Variants in NUP160 observed in about 807,000 individuals in gnomAD.
NUP160 encodes nuclear pore complex protein Nup160.
NUP160 carries 94 observed loss-of-function variants against 196.9 expected under a neutral mutation model. That is an observed-to-expected ratio of 0.48 (90% CI 0.40 to 0.57). The LOEUF (loss-of-function observed/expected upper bound fraction) is 0.57. Ranked by LOEUF, NUP160 falls within the 20% of genes least tolerant of loss-of-function variation. The pLI is 0.00. For synonymous variants in NUP160, 605 were observed against 619.7 expected (o/e 0.98, Z 0.35); for missense variants, 1,638 against 1,748.3 (o/e 0.94, Z 1.13).
intron 10 of NUP160, among the ~76,000 whole-genome samples, chr11:47,819,037 G>GGCA (rs1200874325): frequency 6.6e-6 from 1 of 152,030 alleles, no homozygotes; most frequent in Admixed American, 6.6e-5. Flanking sequence ...GATTTGGCCG[G>GGCA]GCACGGTGGC....
intron 9 of NUP160, among the ~76,000 whole-genome samples, chr11:47,820,600 T>G (rs1432293187): frequency 1.3e-5 from 2 of 152,062 alleles, no homozygotes; most frequent in Non-Finnish European, 2.9e-5. Context: ...TCGCCTAGGC[T>G]GGAGTGAATG....
intron 29 of NUP160, among the ~76,000 whole-genome samples, chr11:47,789,836 A>G (rs770434795): frequency 1.3e-5 from 2 of 152,084 alleles, no homozygotes; most frequent in Non-Finnish European, 2.9e-5. Context: ...TCTGCATATA[A>G]CATTTCATTA....
chr11:47,840,364 C>A lies in NUP160; in HGVS notation c.525+14G>T, dbSNP rs376667979. 6.2e-7 allele frequency: 1 copy of A among 1,605,382 alleles called. No homozygotes were observed. The highest frequency in any genetic ancestry group is 1.3e-5 in the African/African-American group (1 of 74,848). On this transcript the variant is annotated intron_variant, in intron 3 of 35. Transcript: ENST00000378460. ...AATTTGGGAAATAAAAGATATTGCA[C>A]TTAGCCAACTTACACTCCTATACAT...
At chr11:47,781,997 T>C (rs933172854) in intron 34 of NUP160, among the ~76,000 whole-genome samples, 4 of 151,964 alleles carry the variant, frequency 2.6e-5, no homozygotes, top group South Asian at 2.1e-4. Context: ...AAGAAATGCC[T>C]AGGCCGGGCA....
chr11:47,835,820 A>G lies in NUP160; in HGVS notation c.943-11T>C, dbSNP rs1599345614. On this transcript the variant is annotated splice_polypyrimidine_tract_variant and intron_variant, in intron 6 of 35. Coordinates refer to ENST00000378460, the Ensembl canonical transcript of NUP160. ...TAGGCACATTTGCTCCTGTCCAAGAAAATAGTTAATAGGTGATATTCAAGG... is the reference window on the plus strand; with the variant it reads ...TAGGCACATTTGCTCCTGTCCAAGAGAATAGTTAATAGGTGATATTCAAGG... 1 of 1,563,928 alleles carries G rather than the reference A, an allele frequency of 6.4e-7. No individual in the cohort carries two copies. The highest frequency in any genetic ancestry group is 8.6e-7 in the Non-Finnish European group (1 of 1,156,180).
At chr11:47,848,347 G>A (rs1159636993) in exon 1 of NUP160, 1 of 1,613,186 alleles carries the variant, frequency 6.2e-7, no homozygotes, top group Admixed American at 1.7e-5. Flanking sequence ...ACGCCCAACG[G>A]AACAAAGGCA....
rs1032080702 is a variant in NUP160, at chr11:47,792,624, A to G, written c.3450+162T>C. 1.2e-5 allele frequency: 8 copies of G among 677,904 alleles called. No individual in the cohort carries two copies. The East Asian group carries it at 1.4e-4, about 12-fold the overall frequency. The allele number at this position is 677,904 out of a possible 1,614,324, so 42.0% of individuals were successfully genotyped here. A position where few individuals can be genotyped will look rare whatever the true frequency, so the allele number is the denominator to read the frequency against. ...TTGAAAACTAAAGGGGTAGTAATAT[A>G]CAACAATTGAATTGTAAACATAGAT... On this transcript the variant is annotated intron_variant, in intron 28 of 35. Coordinates refer to ENST00000378460, the Ensembl canonical transcript of NUP160.
At chr11:47,786,608 T>C in intron 31 of NUP160, 54 bp from the exon 32 acceptor site, 1 of 1,066,018 alleles carries the variant, frequency 9.4e-7, no homozygotes, top group South Asian at 1.3e-5. Context: ...CGTACCACTT[T>C]AATTTGATAC....
exon 30 of NUP160, chr11:47,788,515 G>A (rs761955866): frequency 4.3e-6 from 7 of 1,613,080 alleles, no homozygotes; most frequent in Non-Finnish European, 5.9e-6. Context: ...AACTGCAACC[G>A]CTGATGGATC....
At chr11:47,799,594 G>A (rs1272873740) in intron 23 of NUP160, among the ~76,000 whole-genome samples, 1 of 152,076 alleles carries the variant, frequency 6.6e-6, no homozygotes, top group Non-Finnish European at 1.5e-5. Flanking sequence ...TGCCCAGGCT[G>A]GAGTGCAGTG....
intron 2 of NUP160, among the ~76,000 whole-genome samples, chr11:47,847,141 T>A (rs1311839882): frequency 2.0e-5 from 3 of 152,122 alleles, no homozygotes; most frequent in Non-Finnish European, 4.4e-5. Flanking sequence ...GCCACACAGA[T>A]CTTTGGTCAG....
intron 6 of NUP160, 115 bp from the exon 7 acceptor site, chr11:47,835,924 TA>T: frequency 1.2e-6 from 1 of 838,664 alleles, no homozygotes; most frequent in South Asian, 2.4e-5. Context: ...GTTTATCTGC[TA>T]AAAGACCTTA....
At chr11:47,821,328 G>A (rs1248725310) in intron 9 of NUP160, 1 of 149,334 alleles carries the variant, frequency 6.7e-6, no homozygotes, top group East Asian at 1.9e-4. Context: ...CCTTGACTTG[G>A]TTCTACATAA....
At chr11:47,797,321 C>T (rs2097671446) in intron 27 of NUP160, among the ~76,000 whole-genome samples, 1 of 152,056 alleles carries the variant, frequency 6.6e-6, no homozygotes, top group Admixed American at 6.6e-5. Context: ...ACCTCCGCCC[C>T]CCGCCCCACC....
chr11:47,784,527 T>A (rs574871880), intron 33 of NUP160: 1 of 153,016 alleles, frequency 6.5e-6, no homozygotes, highest in African/African-American at 2.4e-5. Flanking sequence ...GTTCAGTGAA[T>A]ATAATAGGAG....
intron 27 of NUP160, among the ~76,000 whole-genome samples, chr11:47,797,435 C>T (rs535222159): frequency 2.5e-3 from 373 of 152,166 alleles, no homozygotes; most frequent in Middle Eastern, 0.014. Context: ...GAAGGGGTTT[C>T]GCCATGTTGG....
intron 6 of NUP160, 36 bp from the exon 7 acceptor site, chr11:47,835,845 GGATATTC>G: frequency 6.7e-7 from 1 of 1,487,434 alleles, no homozygotes; most frequent in Non-Finnish European, 9.1e-7. Context: ...GATATTCAAG[GGATATTC>G]AGGCTAGAAG....
At chr11:47,845,907 G>A (rs1565212821) in intron 2 of NUP160, among the ~76,000 whole-genome samples, 1 of 152,056 alleles carries the variant, frequency 6.6e-6, no homozygotes. Flanking sequence ...CCGAGAACGG[G>A]GCACTGCTTG....
intron 7 of NUP160, among the ~76,000 whole-genome samples, chr11:47,822,748 T>G (rs1565202886): frequency 6.6e-6 from 1 of 152,190 alleles, no homozygotes; most frequent in Non-Finnish European, 1.5e-5. Context: ...GGTGCCAGTG[T>G]GTGACGTTCC....
Sources: gnomAD v4.1 joint callset for allele counts (sites outside exome capture counted in the v4.1 genomes callset) on GRCh38, gnomAD v4.1.1 for gene constraint, MANE v1.5 for transcripts, NCBI Gene and HGNC (gene_info 2026-07-23, HGNC 2026-07-21) for gene names.